The following SLC25A33 variants were observed in gnomAD, a reference collection of about 807,000 sequenced individuals.
SLC25A33 encodes the protein solute carrier family 25 member 33, also known as bone marrow stromal cell mitochondrial carrier protein.
A neutral mutation model predicts 35.5 loss-of-function variants in SLC25A33; 15 were observed. The observed-to-expected ratio is 0.42, with a 90% confidence interval of 0.28 to 0.65. SLC25A33 has a LOEUF of 0.65. Ranked by LOEUF, SLC25A33 falls within the 30% of genes least tolerant of loss-of-function variation. SLC25A33 has a pLI of 0.20. For synonymous variants in SLC25A33, 136 were observed against 148.7 expected, an observed-to-expected ratio of 0.91 and a Z score of 0.62; for missense variants, 257 against 398.5, an observed-to-expected ratio of 0.64 and a Z score of 3.02.
At chr1:9,570,430 C>T (rs1643572967) in intron 4 of SLC25A33, 72 bp downstream of exon 4, 1 of 1,320,438 alleles carries the variant, frequency 7.6e-7, no homozygotes, top group Non-Finnish European at 1.1e-6. Flanking sequence ...GCCAGTTTTT[C>T]CAGGAATTAG....
chr1:9,568,995 C>T (rs1036088349), intron 3 of SLC25A33, among the ~76,000 whole-genome samples: 1 of 152,244 alleles, frequency 6.6e-6, no homozygotes, highest in East Asian at 1.9e-4. Flanking sequence ...CCTATAATCC[C>T]TGCACTTTGG....
chr1:9,564,064 AAG>A (rs1408913642), intron 2 of SLC25A33, among the ~76,000 whole-genome samples: 1 of 152,194 alleles, frequency 6.6e-6, no homozygotes, highest in Non-Finnish European at 1.5e-5. Context: ...CCATAAGAAA[AAG>A]AGATTAAATT....
intron 5 of SLC25A33, among the ~76,000 whole-genome samples, chr1:9,575,043 C>T (rs1484289289): frequency 6.6e-6 from 1 of 151,414 alleles, no homozygotes; most frequent in African/African-American, 2.4e-5. Context: ...GAAACCCTGT[C>T]TCTACTAAAA....
chr1:9,576,110 A>T (rs1643658640), intron 5 of SLC25A33, among the ~76,000 whole-genome samples: 1 of 152,196 alleles, frequency 6.6e-6, no homozygotes, highest in Non-Finnish European at 1.5e-5. Context: ...CTGCCTAATG[A>T]TGGTGCTCAA....
chr1:9,555,368 T>C (rs916731103), intron 2 of SLC25A33, among the ~76,000 whole-genome samples: 1 of 152,110 alleles, frequency 6.6e-6, no homozygotes, highest in Non-Finnish European at 1.5e-5. Context: ...TCCGCCCACC[T>C]TGACCTCCCA....
intron 6 of SLC25A33, among the ~76,000 whole-genome samples, chr1:9,581,690 A>C (rs1557539357): frequency 6.6e-6 from 1 of 151,070 alleles, no homozygotes; most frequent in Non-Finnish European, 1.5e-5. Flanking sequence ...GATCGTACCG[A>C]CTGCACTCCA....
Position 9,582,197 on chromosome 1 carries a change from A to C in SLC25A33, c.764-102A>C. On this transcript the variant is annotated intron_variant, in intron 6 of 6. Transcript: ENST00000302692. This position sits in a 1 kb window ranked among gnomAD's most constrained non-coding sequence, Gnocchi z 4.0. Reference sequence around the variant, plus strand: ...CCAAAGTTCTGGGATTACAGGTGTGAGCCACCGCACCCGGCCTAACCTTGA... The same window carrying C: ...CCAAAGTTCTGGGATTACAGGTGTGCGCCACCGCACCCGGCCTAACCTTGA... 7.8e-7 allele frequency: 1 copy of C among 1,274,212 alleles called. No homozygotes were observed. Among genetic ancestry groups the C allele is most frequent in the Admixed American group, 1.9e-5 (1 of 53,274 alleles). The allele number at this position is 1,274,212 out of a possible 1,614,324, so 78.9% of individuals were successfully genotyped here.
intron 2 of SLC25A33, among the ~76,000 whole-genome samples, chr1:9,565,496 A>G (rs957905587): frequency 6.6e-6 from 1 of 151,326 alleles, no homozygotes; most frequent in Middle Eastern, 3.5e-3. Flanking sequence ...AGCCTGGGCA[A>G]CAGAGCGAGA....
chr1:9,539,713 A>T lies in SLC25A33; in HGVS notation c.22A>T (p.Lys8Ter). ...GGCCATGGCGACGGGCGGCCAGCAG[A>T]AGGAGAACACGCTGCTTCACCTCTT... MATGGQQ[K>*]ENTLLHLFAG... Residue 8 changes from lysine (K) to a stop codon, truncating the protein, a stop_gained, in exon 1 of 7, where the codon AAG becomes TAG. Coordinates refer to ENST00000302692, the MANE Select transcript of SLC25A33 (RefSeq NM_032315.3). LOFTEE classifies it high-confidence loss of function. 7 of 1,402,950 alleles carry T rather than the reference A, an allele frequency of 5.0e-6. No individual in the cohort carries two copies. The highest frequency in any genetic ancestry group is 6.5e-6 in the Non-Finnish European group (7 of 1,077,288). The allele number at this position is 1,402,950 out of a possible 1,614,324, so 86.9% of individuals were successfully genotyped here. A position where few individuals can be genotyped will look rare whatever the true frequency, so the allele number is the denominator to read the frequency against.
At chr1:9,569,999 A>C (rs1643566181) in intron 3 of SLC25A33, among the ~76,000 whole-genome samples, 1 of 152,218 alleles carries the variant, frequency 6.6e-6, no homozygotes, top group African/African-American at 2.4e-5. Context: ...AGGACTTTGT[A>C]GATGTCTTCC....
At chr1:9,577,324 G>A (rs890446427) in intron 5 of SLC25A33, among the ~76,000 whole-genome samples, 10 of 151,970 alleles carry the variant, frequency 6.6e-5, no homozygotes, top group South Asian at 6.2e-4. Flanking sequence ...GTCATGCCTC[G>A]GGAGGCTGAG....
At chr1:9,581,887 A>T (rs993513151) in intron 6 of SLC25A33, among the ~76,000 whole-genome samples, 12 of 152,078 alleles carry the variant, frequency 7.9e-5, no homozygotes, top group Non-Finnish European at 1.6e-4. Context: ...CTGAGGTGGG[A>T]AATAGACACA....
In SLC25A33 at chr1:9,582,213, C is replaced by T; in HGVS notation, c.764-86C>T. On this transcript the variant is annotated intron_variant, in intron 6 of 6. Coordinates refer to ENST00000302692, the MANE Select transcript of SLC25A33 (RefSeq NM_032315.3). This position sits in a 1 kb window ranked among gnomAD's most constrained non-coding sequence, Gnocchi z 4.0. The stretch of plus-strand genomic sequence containing the variant: ...ACAGGTGTGAGCCACCGCACCCGGC[C>T]TAACCTTGACAGTTTTAAAGTTGTG... The T allele has an allele frequency of 4.1e-6, 6 of 1,481,452 alleles. No homozygotes were observed. Among genetic ancestry groups the T allele is most frequent in the Non-Finnish European group, 4.7e-6 (5 of 1,064,460 alleles). 91.8% of individuals were successfully genotyped at this position (1,481,452 alleles called of 1,614,324 possible). A position where few individuals can be genotyped will look rare whatever the true frequency, so the allele number is the denominator to read the frequency against.
intron 1 of SLC25A33, among the ~76,000 whole-genome samples, chr1:9,543,456 T>G (rs1643124951): frequency 6.6e-6 from 1 of 152,172 alleles, no homozygotes; most frequent in South Asian, 2.1e-4. Context: ...GTCATTCCTT[T>G]TCTATTGTTT....
intron 4 of SLC25A33, among the ~76,000 whole-genome samples, chr1:9,571,216 GA>G (rs1643585816): frequency 6.6e-6 from 1 of 152,176 alleles, no homozygotes; most frequent in Non-Finnish European, 1.5e-5. Context: ...ACTTCCTACT[GA>G]AAAGCCATAG....
intron 1 of SLC25A33, among the ~76,000 whole-genome samples, chr1:9,540,509 C>T (rs1418968377): frequency 6.6e-6 from 1 of 151,638 alleles, no homozygotes; most frequent in Non-Finnish European, 1.5e-5. Flanking sequence ...GAGATGGTAC[C>T]CCTCGCCACC....
chr1:9,539,718 G>A lies in SLC25A33; in HGVS notation c.27G>A (p.Glu9=). The change falls in exon 1 of 7, where the codon GAG becomes GAA. Residue 9 remains glutamate (E), a synonymous_variant. Transcript: ENST00000302692. ...TGGCGACGGGCGGCCAGCAGAAGGAGAACACGCTGCTTCACCTCTTCGCCG... is the reference window on the plus strand; with the variant it reads ...TGGCGACGGGCGGCCAGCAGAAGGAAAACACGCTGCTTCACCTCTTCGCCG... The part of the protein sequence containing the change: MATGGQQK[E]NTLLHLFAGG... 7 of 1,410,196 alleles carry A rather than the reference G, an allele frequency of 5.0e-6. No individual in the cohort carries two copies. The highest frequency in any genetic ancestry group is 6.5e-6 in the Non-Finnish European group (7 of 1,081,230). 87.4% of individuals were successfully genotyped at this position (1,410,196 alleles called of 1,614,324 possible).
chr1:9,557,893 A>T (rs1643368509), intron 2 of SLC25A33, among the ~76,000 whole-genome samples: 1 of 152,144 alleles, frequency 6.6e-6, no homozygotes, highest in African/African-American at 2.4e-5. Flanking sequence ...ATGGAATAAG[A>T]CCCTGTGTCA....
At chr1:9,548,951 G>A (rs1360639850) in intron 1 of SLC25A33, among the ~76,000 whole-genome samples, 1 of 152,166 alleles carries the variant, frequency 6.6e-6, no homozygotes, top group African/African-American at 2.4e-5. Context: ...TCAACATTGG[G>A]GTGTGTGGGC....
Sources: gnomAD v4.1 joint callset for allele counts (sites outside exome capture counted in the v4.1 genomes callset) on GRCh38, gnomAD v4.1.1 for gene constraint, Gnocchi (gnomAD v3.1) non-coding constraint, MANE v1.5 for transcripts, NCBI Gene and HGNC (gene_info 2026-07-23, HGNC 2026-07-21) for gene names.